The following HCN1 variants were observed in gnomAD, a reference collection of about 807,000 sequenced individuals.
HCN1 encodes potassium/sodium hyperpolarization-activated cyclic nucleotide-gated channel 1.
A neutral mutation model predicts 78.9 loss-of-function variants in HCN1; 13 were observed. The observed-to-expected ratio is 0.16, with a 90% CI of 0.11 to 0.26. The LOEUF is 0.26. Ranked by LOEUF, HCN1 falls within the 10% of genes least tolerant of loss-of-function variation. HCN1 has a pLI of 1.00. For synonymous variants in HCN1, 552 were observed against 455.5 expected, an observed-to-expected ratio of 1.21 and a Z score of -2.70; for missense variants, 810 against 1,154.3, an observed-to-expected ratio of 0.70 and a Z score of 4.32.
chr5:45,364,447 C>A (rs1027851447), intron 4 of HCN1, among the ~76,000 whole-genome samples: 1 of 150,900 alleles, frequency 6.6e-6, no homozygotes, highest in African/African-American at 2.4e-5. Context: ...AGTCAATGGT[C>A]CAGCAGAGAA....
At chr5:45,575,029 T>G (rs1324599702) in intron 2 of HCN1, 2 of 152,154 alleles carry the variant, frequency 1.3e-5, no homozygotes, top group Non-Finnish European at 2.9e-5. Flanking sequence ...ATGCAGCAAC[T>G]GGTAAGGTAG....
At chr5:45,504,268 A>G (rs1201904387) in intron 2 of HCN1, among the ~76,000 whole-genome samples, 1 of 151,908 alleles carries the variant, frequency 6.6e-6, no homozygotes. Context: ...ACCCCACAAC[A>G]GGCCCCGGTG....
chr5:45,565,206 C>A (rs939947116), intron 2 of HCN1, among the ~76,000 whole-genome samples: 22 of 152,098 alleles, frequency 1.4e-4, no homozygotes, highest in African/African-American at 4.3e-4. Context: ...CCCAAATGTT[C>A]TTTTAAGGGA....
chr5:45,471,427 C>T (rs1396706648), intron 2 of HCN1, among the ~76,000 whole-genome samples: 1 of 151,960 alleles, frequency 6.6e-6, no homozygotes, highest in Non-Finnish European at 1.5e-5. Context: ...TGTAGCATAT[C>T]TCCGAATGTG....
At chr5:45,533,969 A>G (rs1742913147) in intron 2 of HCN1, among the ~76,000 whole-genome samples, 1 of 152,234 alleles carries the variant, frequency 6.6e-6, no homozygotes, top group African/African-American at 2.4e-5. Flanking sequence ...AAGGATTGGC[A>G]TAATGTTGGC....
chr5:45,586,093 CT>C (rs1175424879), intron 2 of HCN1, among the ~76,000 whole-genome samples: 1 of 152,198 alleles, frequency 6.6e-6, no homozygotes, highest in South Asian at 2.1e-4. Flanking sequence ...TTTCTGCTGC[CT>C]TTTTTTGGCT....
chr5:45,540,756 T>G (rs1042913837), intron 2 of HCN1, among the ~76,000 whole-genome samples: 1 of 152,304 alleles, frequency 6.6e-6, no homozygotes, highest in Admixed American at 6.5e-5. Flanking sequence ...TACTTTTTTC[T>G]AATTGAGCTG....
At chr5:45,262,931 C>A in intron 7 of HCN1, 121 bp from the exon 8 acceptor site, 1 of 1,023,562 alleles carries the variant, frequency 9.8e-7, no homozygotes, top group East Asian at 2.6e-5. Flanking sequence ...CTTAAAAAGC[C>A]AGTCACTCAC....
chr5:45,284,134 A>G (rs957429152), intron 6 of HCN1, among the ~76,000 whole-genome samples: 14 of 152,048 alleles, frequency 9.2e-5, no homozygotes, highest in African/African-American at 3.1e-4. Context: ...ACTGGGGCCT[A>G]TTTGAGGATA....
intron 5 of HCN1, among the ~76,000 whole-genome samples, chr5:45,324,880 T>C (rs1451372795): frequency 6.6e-6 from 1 of 151,838 alleles, no homozygotes; most frequent in African/African-American, 2.4e-5. Flanking sequence ...TTAAAATAAA[T>C]AAACAAAATA....
At chr5:45,644,627 CTAAAA>C (rs1433167642) in intron 2 of HCN1, 3 of 152,530 alleles carry the variant, frequency 2.0e-5, no homozygotes, top group Admixed American at 6.6e-5. Flanking sequence ...TAGGGAGAAA[CTAAAA>C]TAAGTTACTA....
intron 2 of HCN1, among the ~76,000 whole-genome samples, chr5:45,611,468 T>C (rs1335379788): frequency 6.6e-6 from 1 of 151,706 alleles, no homozygotes; most frequent in African/African-American, 2.4e-5. Context: ...GACAGAGATT[T>C]GCTATGTTGC....
At chr5:45,579,494 C>T (rs936696901) in intron 2 of HCN1, among the ~76,000 whole-genome samples, 6 of 151,944 alleles carry the variant, frequency 3.9e-5, no homozygotes, top group Non-Finnish European at 8.8e-5. Context: ...CTACCATGGT[C>T]TCGCAAAGAT....
chr5:45,330,511 A>G (rs564941200), intron 5 of HCN1, among the ~76,000 whole-genome samples: 1 of 150,914 alleles, frequency 6.6e-6, no homozygotes, highest in East Asian at 1.9e-4. Context: ...TACAGAAAAC[A>G]TTTCATGTAT....
rs1744579901 is a variant in HCN1 at position 45,255,095 on chromosome 5, TATA to T, written c.*6823_*6825del. On this transcript the variant is annotated 3_prime_UTR_variant, in exon 8 of 8. Transcript: ENST00000303230. The stretch of plus-strand genomic sequence containing the variant: ...CAAAATTTATGTGACATAAGGAAAT[TATA>T]ATACCTAACACATATTAGTTTTCTC... The T allele has an allele frequency of 6.6e-6, 1 of 152,232 alleles. No homozygotes were observed. Among genetic ancestry groups the T allele is most frequent in the African/African-American group, 2.4e-5 (1 of 41,464 alleles). 9.4% of individuals were successfully genotyped at this position (152,232 alleles called of 1,614,324 possible).
chr5:45,276,148 C>T (rs1177445865), intron 6 of HCN1, among the ~76,000 whole-genome samples: 1 of 152,072 alleles, frequency 6.6e-6, no homozygotes, highest in Non-Finnish European at 1.5e-5. Flanking sequence ...ATTTATGAGG[C>T]AAGTCTACTA....
intron 2 of HCN1, among the ~76,000 whole-genome samples, chr5:45,555,280 A>G (rs540101119): frequency 6.6e-6 from 1 of 151,974 alleles, no homozygotes; most frequent in Admixed American, 6.6e-5. Flanking sequence ...AAAAAAAGTA[A>G]TCCCATTTAC....
chr5:45,574,648 A>G (rs565834103), intron 2 of HCN1: 44 of 152,314 alleles, frequency 2.9e-4, no homozygotes, highest in African/African-American at 1.0e-3. Flanking sequence ...CTTAGTGACA[A>G]AGGCATGTTG....
chr5:45,540,001 T>A (rs1481758934), intron 2 of HCN1, among the ~76,000 whole-genome samples: 2 of 148,200 alleles, frequency 1.3e-5, no homozygotes, highest in Admixed American at 6.7e-5. Flanking sequence ...GTTTACTTAA[T>A]CAATCTCCAA....
Sources: allele counts gnomAD v4.1 joint callset (sites outside exome capture counted in the v4.1 genomes callset), GRCh38; gene constraint gnomAD v4.1.1; transcripts MANE v1.5; gene names NCBI Gene and HGNC (gene_info 2026-07-23, HGNC 2026-07-21).